The following CLIP4 variants were observed in gnomAD, a reference collection of about 807,000 sequenced individuals.
The protein encoded by CLIP4 is CAP-Gly domain-containing linker protein 4.
Under a neutral mutation model 73.1 loss-of-function variants are expected in CLIP4, and 47 were observed. The ratio of observed to expected loss-of-function variants is 0.64; its 90% CI spans 0.51 to 0.82. The LOEUF (loss-of-function observed/expected upper bound fraction) is 0.82. CLIP4 is among the 40% of genes least tolerant of loss of function. CLIP4 has a pLI of 0.00. For missense variants in CLIP4, 874 were observed against 852.9 expected (o/e 1.02, Z -0.31); for synonymous variants, 306 against 295.4 (o/e 1.04, Z -0.37).
At chr2:29,102,261 G>A (rs1041154223) in intron 1 of CLIP4, among the ~76,000 whole-genome samples, 18 of 152,078 alleles carry the variant, frequency 1.2e-4, no homozygotes, top group African/African-American at 2.2e-4. Flanking sequence ...CTCAACAGGC[G>A]TCTCTAGATT....
At position 29,143,211 on chromosome 2, in the gene CLIP4, T is replaced by G. The variant is rs3100227; in HGVS notation, c.649-498T>G. 7.2e-5 allele frequency among the ~76,000 whole-genome samples: 11 copies of G among 152,088 alleles called. No homozygotes were observed. In the East Asian group the frequency reaches 1.7e-3, roughly 24 times the overall value. Reference sequence around the variant, plus strand: ...CTCTGCGGGCAGAATGCTCTCCGTTTAGGACCTGAGCACCGCTCCCCACAT... The same window carrying G: ...CTCTGCGGGCAGAATGCTCTCCGTTGAGGACCTGAGCACCGCTCCCCACAT... On this transcript the variant is annotated intron_variant, in intron 6 of 15. Transcript: ENST00000320081.
chr2:29,143,015 C>T (rs929042865), intron 6 of CLIP4, among the ~76,000 whole-genome samples: 2 of 152,076 alleles, frequency 1.3e-5, no homozygotes, highest in Non-Finnish European at 2.9e-5. Flanking sequence ...TGATTATAGC[C>T]CAGGTTTTAG....
At chr2:29,169,902 C>A (rs573491314) in intron 14 of CLIP4, among the ~76,000 whole-genome samples, 1 of 152,084 alleles carries the variant, frequency 6.6e-6, no homozygotes, top group Admixed American at 6.6e-5. Context: ...CTCTCTTTAT[C>A]CCCCTTCCCA....
chr2:29,128,849 T>C (rs1378230507), intron 2 of CLIP4, among the ~76,000 whole-genome samples: 1 of 152,152 alleles, frequency 6.6e-6, no homozygotes, highest in Non-Finnish European at 1.5e-5. Context: ...ATTCTGTAGA[T>C]TGAGAAATCT....
chr2:29,105,783 T>C (rs943558142), intron 1 of CLIP4, among the ~76,000 whole-genome samples: 1 of 152,226 alleles, frequency 6.6e-6, no homozygotes, highest in South Asian at 2.1e-4. Flanking sequence ...TTCCCCCATG[T>C]GAGGCTACAC....
intron 15 of CLIP4, among the ~76,000 whole-genome samples, chr2:29,176,950 A>G (rs1445325123): frequency 6.6e-6 from 1 of 152,046 alleles, no homozygotes; most frequent in Non-Finnish European, 1.5e-5. Flanking sequence ...CTGTCCCTTA[A>G]AGCTTTCGAA....
intron 9 of CLIP4, among the ~76,000 whole-genome samples, chr2:29,154,367 T>A (rs1340227717): frequency 2.0e-5 from 3 of 152,032 alleles, no homozygotes; most frequent in Non-Finnish European, 4.4e-5. Flanking sequence ...TCCCATCCAG[T>A]CCCCAGGCAG....
chr2:29,164,608 G>A (rs1489385093), intron 13 of CLIP4, among the ~76,000 whole-genome samples: 2 of 152,146 alleles, frequency 1.3e-5, no homozygotes. Context: ...TGCTTGGTGT[G>A]CCTTTTAGCG....
chr2:29,180,633 A>G (rs964655090), intron 15 of CLIP4, among the ~76,000 whole-genome samples: 1 of 152,170 alleles, frequency 6.6e-6, no homozygotes, highest in Non-Finnish European at 1.5e-5. Context: ...CATATGAAAA[A>G]ATATTTTTTA....
chr2:29,128,187 GTT>G (rs70958244), intron 2 of CLIP4, among the ~76,000 whole-genome samples: 8,504 of 138,394 alleles, frequency 0.061, 611 homozygotes, highest in African/African-American at 0.18. Flanking sequence ...TAATGTCTGT[GTT>G]TTTTTTTTTT....
chr2:29,120,070 G>T (rs1572878555), intron 1 of CLIP4, among the ~76,000 whole-genome samples: 1 of 152,128 alleles, frequency 6.6e-6, no homozygotes, highest in African/African-American at 2.4e-5. Context: ...GATCACCGCT[G>T]CTCTATAACA....
chr2:29,158,990 G>A (rs1393679875), intron 11 of CLIP4, among the ~76,000 whole-genome samples: 1 of 152,190 alleles, frequency 6.6e-6, no homozygotes, highest in African/African-American at 2.4e-5. Flanking sequence ...GGCGACAAGG[G>A]GACGGGCCTG....
intron 15 of CLIP4, among the ~76,000 whole-genome samples, chr2:29,176,232 T>A (rs1342378205): frequency 6.6e-6 from 1 of 152,240 alleles, no homozygotes; most frequent in Non-Finnish European, 1.5e-5. Context: ...CTCGATGGCC[T>A]TCTGCCAAGG....
At chr2:29,119,595 AG>A (rs1419603978) in intron 1 of CLIP4, among the ~76,000 whole-genome samples, 1 of 152,200 alleles carries the variant, frequency 6.6e-6, no homozygotes, top group African/African-American at 2.4e-5. Context: ...TAAAAAAATC[AG>A]TAGTTTCCCA....
chr2:29,109,377 A>T lies in CLIP4; in HGVS notation c.-16+11430A>T, dbSNP rs60596794. The stretch of plus-strand genomic sequence containing the variant: ...CTTTAAGAAGACTTCAATTTTTTTT[A>T]AAAAATAAAAATACATCATAATTGC... On this transcript the variant is annotated intron_variant, in intron 1 of 14. Transcript: ENST00000401605. Among the ~76,000 whole-genome samples the T allele has an allele frequency of 4.7e-3, 716 of 151,764 alleles. 2 individuals carry two copies. Among genetic ancestry groups the T allele is most frequent in the African/African-American group, 0.012 (498 of 41,150 alleles).
chr2:29,164,036 A>G lies in CLIP4; in HGVS notation c.1658+82A>G, dbSNP rs899906482. On this transcript the variant is annotated intron_variant, in intron 13 of 15. Coordinates refer to ENST00000320081, the MANE Select transcript of CLIP4 (RefSeq NM_024692.6). ...AATAGAGACACTAATTTTATATTAA[A>G]GATATGCTCTGATTGTAGCTCATGT... 2.2e-5 allele frequency: 25 copies of G among 1,152,994 alleles called. No individual in the cohort carries two copies. The African/African-American group carries it at 3.9e-4, about 18-fold the overall frequency. 71.4% of individuals were successfully genotyped at this position (1,152,994 alleles called of 1,614,324 possible). A position where few individuals can be genotyped will look rare whatever the true frequency, so the allele number is the denominator to read the frequency against.
chr2:29,126,866 T>G (rs1259571373), intron 2 of CLIP4, among the ~76,000 whole-genome samples: 2 of 152,152 alleles, frequency 1.3e-5, no homozygotes, highest in Non-Finnish European at 2.9e-5. Flanking sequence ...AATAATAGTT[T>G]GGAGGGTTGT....
intron 6 of CLIP4, among the ~76,000 whole-genome samples, chr2:29,142,006 G>A (rs906212587): frequency 6.6e-6 from 1 of 152,020 alleles, no homozygotes; most frequent in Non-Finnish European, 1.5e-5. Flanking sequence ...CTTTTTCAGG[G>A]TTAATATAGA....
chr2:29,127,839 T>A (rs1266838133), intron 2 of CLIP4, among the ~76,000 whole-genome samples: 1 of 152,152 alleles, frequency 6.6e-6, no homozygotes, highest in African/African-American at 2.4e-5. Flanking sequence ...AGATTTAAAA[T>A]GTCCATAGTT....
Sources: gnomAD v4.1 joint callset for allele counts (sites outside exome capture counted in the v4.1 genomes callset) on GRCh38, gnomAD v4.1.1 for gene constraint, MANE v1.5 for transcripts, NCBI Gene and HGNC (gene_info 2026-07-23, HGNC 2026-07-21) for gene names.